The following MYRIP variants were observed in gnomAD, a reference collection of about 807,000 sequenced individuals.
MYRIP encodes the protein myosin VIIA and Rab interacting protein.
MYRIP carries 49 observed loss-of-function variants against 98.0 expected under a neutral mutation model. The observed-to-expected ratio is 0.50, with a 90% CI of 0.40 to 0.63. MYRIP has a LOEUF of 0.63. Ranked by LOEUF, MYRIP falls within the 30% of genes least tolerant of loss-of-function variation. MYRIP has a pLI of 0.00. For missense variants in MYRIP, 1,004 were observed against 1,058.2 expected, an observed-to-expected ratio of 0.95 and a Z score of 0.71; for synonymous variants, 404 against 409.5, an observed-to-expected ratio of 0.99 and a Z score of 0.16.
chr3:39,840,980 T>C (rs1244806475), intron 1 of MYRIP, among the ~76,000 whole-genome samples: 1 of 152,216 alleles, frequency 6.6e-6, no homozygotes, highest in Non-Finnish European at 1.5e-5. Flanking sequence ...TGGTGTTCTC[T>C]GTATTTCCTG....
At chr3:39,986,379 A>G (rs1946030828) in intron 2 of MYRIP, among the ~76,000 whole-genome samples, 1 of 147,148 alleles carries the variant, frequency 6.8e-6, no homozygotes, top group African/African-American at 2.7e-5. Flanking sequence ...ATTATCAAAC[A>G]TTTCTCTCTG....
Position 40,250,298 on chromosome 3 carries a change from G to C in MYRIP, c.2339G>C (p.Arg780Thr), listed in dbSNP as rs1953333832. The C allele has an allele frequency of 6.2e-7, 1 of 1,614,048 alleles. No homozygotes were observed. Among genetic ancestry groups the C allele is most frequent in the Non-Finnish European group, 8.5e-7 (1 of 1,179,996 alleles). ...LNIAPCVRFT[R>T]RRDQKQRTQV... ...ATAGCACCATGTGTGCGCTTCACAA[G>C]AAGACGGGATCAGAAGCAAAGGACC... is the stretch of plus-strand genomic sequence containing the variant. The change falls in exon 14 of 17, where the codon AGA (arginine) becomes ACA (threonine). Residue 780 changes from arginine to threonine, a missense_variant. By Grantham distance (71) the Arg-to-Thr change is moderately conservative. Coordinates refer to ENST00000302541, the MANE Select transcript of MYRIP (RefSeq NM_015460.4).
At chr3:39,980,171 G>A (rs1945855103) in intron 2 of MYRIP, among the ~76,000 whole-genome samples, 1 of 152,114 alleles carries the variant, frequency 6.6e-6, no homozygotes, top group Non-Finnish European at 1.5e-5. Flanking sequence ...TCGGGAAGAG[G>A]AGTGTCCGAA....
intron 2 of MYRIP, among the ~76,000 whole-genome samples, chr3:39,930,175 T>C (rs1005018671): frequency 1.3e-5 from 2 of 152,082 alleles, no homozygotes; most frequent in African/African-American, 4.8e-5. Flanking sequence ...CCACCAGCAA[T>C]GTATGAGGGT....
intron 2 of MYRIP, among the ~76,000 whole-genome samples, chr3:39,936,342 A>G (rs538276044): frequency 6.6e-6 from 1 of 152,320 alleles, no homozygotes; most frequent in South Asian, 2.1e-4. Context: ...AGTCCCTTCA[A>G]CAGAGGAGTC....
At chr3:40,103,456 G>A (rs1006844806) in intron 3 of MYRIP, among the ~76,000 whole-genome samples, 1 of 152,206 alleles carries the variant, frequency 6.6e-6, no homozygotes, top group African/African-American at 2.4e-5. Context: ...TTTGTATTGT[G>A]AAGATAAAAT....
chr3:40,240,319 C>G (rs1373420330), intron 12 of MYRIP, among the ~76,000 whole-genome samples: 1 of 152,168 alleles, frequency 6.6e-6, no homozygotes, highest in Non-Finnish European at 1.5e-5. Flanking sequence ...AGCCTTGGGT[C>G]TACAGCTCCC....
chr3:39,982,023 A>G (rs1945908976), intron 2 of MYRIP, among the ~76,000 whole-genome samples: 1 of 152,252 alleles, frequency 6.6e-6, no homozygotes, highest in African/African-American at 2.4e-5. Context: ...AGTAAACTGT[A>G]ATATGCCTCA....
chr3:40,017,744 A>G (rs902273026), intron 2 of MYRIP, among the ~76,000 whole-genome samples: 3 of 148,396 alleles, frequency 2.0e-5, no homozygotes, highest in African/African-American at 7.5e-5. Context: ...TAGACAAGGA[A>G]CTGACTTACT....
At chr3:39,868,029 T>C (rs890477995) in intron 1 of MYRIP, among the ~76,000 whole-genome samples, 29 of 152,242 alleles carry the variant, frequency 1.9e-4, no homozygotes, top group African/African-American at 2.9e-4. Context: ...TATTTGCATG[T>C]GTGTGCACAC....
At chr3:40,256,266 C>T (rs2125731931) in intron 16 of MYRIP, among the ~76,000 whole-genome samples, 2 of 152,246 alleles carry the variant, frequency 1.3e-5, no homozygotes, top group South Asian at 4.1e-4. Flanking sequence ...CACAACTGTC[C>T]ATACACATAC....
chr3:40,161,798 G>T (rs759163569), intron 4 of MYRIP, among the ~76,000 whole-genome samples: 3 of 152,028 alleles, frequency 2.0e-5, no homozygotes, highest in Non-Finnish European at 4.4e-5. Context: ...CCCCTTCCAA[G>T]CTATTCTCTA....
chr3:39,832,425 T>C (rs974163389), intron 1 of MYRIP, among the ~76,000 whole-genome samples: 2 of 152,194 alleles, frequency 1.3e-5, no homozygotes, highest in African/African-American at 4.8e-5. Flanking sequence ...TTCATTAAAC[T>C]GAAGTAGGTC....
At chr3:40,080,791 C>CTTTTTTTTTTTTTTTTTTTTTTT (rs34610302) in intron 3 of MYRIP, among the ~76,000 whole-genome samples, 2 of 93,836 alleles carry the variant, frequency 2.1e-5, no homozygotes, top group Non-Finnish European at 4.2e-5. Flanking sequence ...ATCCTAACTT[C>CTTTTTTTTTTTTTTTTTTTTTTT]TTTTTTTTTT....
chr3:40,151,265 A>G, intron 4 of MYRIP, 81 bp downstream of exon 4: 1 of 1,447,628 alleles, frequency 6.9e-7, no homozygotes, highest in Non-Finnish European at 9.3e-7. Context: ...TGAACACTGG[A>G]GCACACTCAC....
At chr3:39,913,434 G>A (rs1443623063) in intron 2 of MYRIP, among the ~76,000 whole-genome samples, 2 of 152,120 alleles carry the variant, frequency 1.3e-5, no homozygotes, top group Non-Finnish European at 2.9e-5. Context: ...CACCTAAACA[G>A]TATATTGGCC....
intron 2 of MYRIP, among the ~76,000 whole-genome samples, chr3:39,990,789 T>C (rs915090589): frequency 1.3e-5 from 2 of 152,178 alleles, no homozygotes; most frequent in Non-Finnish European, 2.9e-5. Flanking sequence ...TGCATGTTCA[T>C]TGAGGATAAT....
intron 2 of MYRIP, among the ~76,000 whole-genome samples, chr3:39,988,562 G>T (rs1946094565): frequency 6.6e-6 from 1 of 152,022 alleles, no homozygotes; most frequent in Non-Finnish European, 1.5e-5. Flanking sequence ...GCCCTGTCTT[G>T]CTAGGTTGGG....
At position 39,876,199 on chromosome 3, in the gene MYRIP, T is replaced by A. The variant is rs1179615175; in HGVS notation, c.-30-24588T>A. ...TTTTGTTTTCCATTTGCTTGGTAGA[T>A]CTTCTTCCATCGTTTTATTTTGAAC... On this transcript the variant is annotated intron_variant, in intron 1 of 16. Coordinates refer to ENST00000302541, the MANE Select transcript of MYRIP (RefSeq NM_015460.4). Among the ~76,000 whole-genome samples the A allele has an allele frequency of 7.2e-5, 11 of 152,288 alleles. No homozygotes were observed. In the East Asian group the frequency reaches 2.1e-3, roughly 29 times the overall value.
Sources: allele counts gnomAD v4.1 joint callset (sites outside exome capture counted in the v4.1 genomes callset), GRCh38; gene constraint gnomAD v4.1.1; transcripts MANE v1.5; gene names NCBI Gene and HGNC (gene_info 2026-07-23, HGNC 2026-07-21).